The following PRKG1 variants were observed in gnomAD, a reference collection of about 807,000 sequenced individuals.
PRKG1 encodes the protein cGMP-dependent protein kinase 1.
A neutral mutation model predicts 88.1 loss-of-function variants in PRKG1; 35 were observed. The ratio of observed to expected loss-of-function variants is 0.40; its 90% CI spans 0.30 to 0.53. The LOEUF is 0.53. Ranked by LOEUF, PRKG1 falls within the 20% of genes least tolerant of loss-of-function variation. PRKG1 has a pLI of 0.59. For missense variants in PRKG1, 540 were observed against 839.8 expected (o/e 0.64, Z 4.41); for synonymous variants, 303 against 292.5 (o/e 1.04, Z -0.37).
At chr10:51,779,579 T>C (rs576589282) in intron 3 of PRKG1, among the ~76,000 whole-genome samples, 11 of 152,286 alleles carry the variant, frequency 7.2e-5, no homozygotes, top group African/African-American at 2.4e-4. Context: ...TAAAATTAAC[T>C]ACACCACACA....
At chr10:51,003,674 A>G (rs772904276) in intron 1 of PRKG1, among the ~76,000 whole-genome samples, 6 of 152,110 alleles carry the variant, frequency 3.9e-5, no homozygotes, top group Non-Finnish European at 7.4e-5. Context: ...TAAACATTTT[A>G]TTTTCTCCTC....
At chr10:51,354,416 G>GT (rs1344455379) in intron 2 of PRKG1, among the ~76,000 whole-genome samples, 1 of 152,056 alleles carries the variant, frequency 6.6e-6, no homozygotes, top group African/African-American at 2.4e-5. Context: ...AAAATATCAT[G>GT]TACCTTATAA....
intron 2 of PRKG1, among the ~76,000 whole-genome samples, chr10:51,159,734 G>T (rs181776456): frequency 6.6e-6 from 1 of 152,088 alleles, no homozygotes; most frequent in African/African-American, 2.4e-5. Context: ...GGCATAAAAT[G>T]TATTTAAAAT....
At chr10:51,323,558 A>G (rs966543877) in intron 2 of PRKG1, among the ~76,000 whole-genome samples, 2 of 152,188 alleles carry the variant, frequency 1.3e-5, no homozygotes, top group Non-Finnish European at 2.9e-5. Flanking sequence ...ACATAGTAAG[A>G]CCTTCATGAG....
chr10:51,847,688 A>G (rs1309669837), intron 4 of PRKG1, among the ~76,000 whole-genome samples: 1 of 150,608 alleles, frequency 6.6e-6, no homozygotes, highest in East Asian at 1.9e-4. Context: ...CTCCTCTCTC[A>G]CCATACACAT....
chr10:51,716,026 T>C (rs565442809), intron 3 of PRKG1, among the ~76,000 whole-genome samples: 5 of 152,358 alleles, frequency 3.3e-5, no homozygotes, highest in African/African-American at 1.2e-4. Flanking sequence ...TCTTGCTATG[T>C]GGATGTCAAG....
intron 4 of PRKG1, among the ~76,000 whole-genome samples, chr10:51,827,675 T>A (rs1333709313): frequency 6.6e-6 from 1 of 152,126 alleles, no homozygotes; most frequent in Non-Finnish European, 1.5e-5. Flanking sequence ...ATGAGTTAAT[T>A]GTGTAAAAAG....
chr10:51,972,488 A>C (rs1237653764), intron 5 of PRKG1, among the ~76,000 whole-genome samples: 1 of 152,188 alleles, frequency 6.6e-6, no homozygotes, highest in Non-Finnish European at 1.5e-5. Flanking sequence ...CCTGATGGCT[A>C]AGAAGTGTAC....
intron 2 of PRKG1, among the ~76,000 whole-genome samples, chr10:51,157,793 T>A (rs1174230835): frequency 6.6e-6 from 1 of 151,940 alleles, no homozygotes; most frequent in East Asian, 1.9e-4. Flanking sequence ...ACTTTTTCGA[T>A]GAAATCATCA....
At chr10:52,224,258 C>G (rs973555461) in intron 9 of PRKG1, among the ~76,000 whole-genome samples, 6 of 151,988 alleles carry the variant, frequency 3.9e-5, no homozygotes, top group South Asian at 4.1e-4. Flanking sequence ...ACATATCAGA[C>G]AGACTTCTGC....
chr10:51,002,656 C>T (rs1343942207), intron 1 of PRKG1, among the ~76,000 whole-genome samples: 1 of 152,130 alleles, frequency 6.6e-6, no homozygotes, highest in Non-Finnish European at 1.5e-5. Context: ...CTATTTCATT[C>T]AGTCTGTGAC....
intron 3 of PRKG1, among the ~76,000 whole-genome samples, chr10:51,746,246 A>G (rs187722936): frequency 2.6e-5 from 4 of 152,158 alleles, no homozygotes; most frequent in Admixed American, 2.6e-4. Context: ...AGCCAAACCG[A>G]ACAAGCAACC....
chr10:51,871,545 C>A (rs114550309), intron 4 of PRKG1, among the ~76,000 whole-genome samples: 2,196 of 152,298 alleles, frequency 0.014, 50 homozygotes, highest in African/African-American at 0.05. Context: ...ACTGTCCCAG[C>A]CCCAAGCTGT....
At chr10:52,287,942 T>G (rs11001460) in intron 14 of PRKG1, among the ~76,000 whole-genome samples, 7,233 of 152,120 alleles carry the variant, frequency 0.048, 258 homozygotes, top group South Asian at 0.19. Context: ...AACAAACTCT[T>G]CTGGAAGGGA....
At chr10:51,568,338 G>A (rs970218362) in intron 3 of PRKG1, 12 of 152,064 alleles carry the variant, frequency 7.9e-5, no homozygotes, top group Non-Finnish European at 1.3e-4. Flanking sequence ...CCTCTGAGGA[G>A]CAATTGGTTA....
intron 3 of PRKG1, among the ~76,000 whole-genome samples, chr10:51,545,582 C>T (rs1009981436): frequency 6.6e-6 from 1 of 152,100 alleles, no homozygotes; most frequent in Non-Finnish European, 1.5e-5. Flanking sequence ...CACAGAAGAA[C>T]AGCAGCAAAG....
At chr10:51,788,355 A>C (rs922306782) in intron 3 of PRKG1, among the ~76,000 whole-genome samples, 1 of 152,188 alleles carries the variant, frequency 6.6e-6, no homozygotes, top group East Asian at 1.9e-4. Flanking sequence ...AAAAATCACA[A>C]GAAGGAAAAT....
At chr10:51,120,049 T>C (rs575307568) in intron 1 of PRKG1, among the ~76,000 whole-genome samples, 2 of 152,248 alleles carry the variant, frequency 1.3e-5, no homozygotes, top group Admixed American at 1.3e-4. Flanking sequence ...TTTGCATTTA[T>C]AATGTTTGTA....
intron 3 of PRKG1, among the ~76,000 whole-genome samples, chr10:51,580,390 A>G (rs1473477267): frequency 6.6e-6 from 1 of 152,152 alleles, no homozygotes. Context: ...GTTATCCTAT[A>G]TTCTTGCCAA....
Sources: gnomAD v4.1 joint callset for allele counts (sites outside exome capture counted in the v4.1 genomes callset) on GRCh38, gnomAD v4.1.1 for gene constraint, MANE v1.5 for transcripts, NCBI Gene and HGNC (gene_info 2026-07-23, HGNC 2026-07-21) for gene names.